DNAJC1: variants seen among roughly 807,000 people sequenced by gnomAD.
The protein encoded by DNAJC1 is DnaJ heat shock protein family (Hsp40) member C1.
Under a neutral mutation model 76.6 loss-of-function variants are expected in DNAJC1, and 58 were observed. That is an observed-to-expected ratio of 0.76 (90% CI 0.61 to 0.94). The LOEUF (loss-of-function observed/expected upper bound fraction) is 0.94. DNAJC1 is among the 40% of genes least tolerant of loss of function. The probability of loss-of-function intolerance (pLI) is 0.00; values close to 1 mark genes in which losing one functional copy is unlikely to be tolerated. For missense variants in DNAJC1, 689 were observed against 677.3 expected (o/e 1.02, Z -0.19); for synonymous variants, 258 against 267.9 (o/e 0.96, Z 0.36).
chr10:21,782,144 C>T (rs1442398182), intron 9 of DNAJC1, among the ~76,000 whole-genome samples: 3 of 152,136 alleles, frequency 2.0e-5, no homozygotes, highest in Non-Finnish European at 2.9e-5. Context: ...TGATAGACCG[C>T]TAGCAAGACT....
chr10:21,890,672 C>G (rs1284197795), intron 7 of DNAJC1, among the ~76,000 whole-genome samples: 1 of 152,080 alleles, frequency 6.6e-6, no homozygotes, highest in East Asian at 1.9e-4. Context: ...CATAGGAAAC[C>G]TGGACTTCAA....
intron 9 of DNAJC1, among the ~76,000 whole-genome samples, chr10:21,788,722 C>T (rs1475765566): frequency 1.3e-5 from 2 of 152,154 alleles, no homozygotes; most frequent in African/African-American, 2.4e-5. Flanking sequence ...TCACATCCAG[C>T]GTCCTGAGTT....
At chr10:21,980,187 A>C (rs1393497060) in intron 1 of DNAJC1, among the ~76,000 whole-genome samples, 1 of 152,130 alleles carries the variant, frequency 6.6e-6, no homozygotes, top group East Asian at 1.9e-4. Context: ...GATATTGAAC[A>C]AACTATATAC....
rs1267966976 is a variant in DNAJC1 at position 21,956,860 on chromosome 10, G to T, written c.223-27719C>A. The stretch of plus-strand genomic sequence containing the variant: ...CACACACACACACACACACAAGTAG[G>T]TGTAAATTTTTCTTTTCAGACAATT... On this transcript the variant is annotated intron_variant, in intron 1 of 11. Coordinates refer to ENST00000376980, the MANE Select transcript of DNAJC1 (RefSeq NM_022365.4). Among the ~76,000 whole-genome samples, 4 of 149,990 alleles carry T rather than the reference G, an allele frequency of 2.7e-5. No individual in the cohort carries two copies. The East Asian group carries it at 7.8e-4, about 29-fold the overall frequency.
chr10:21,955,503 GTATTA>G (rs1255248165), intron 1 of DNAJC1, among the ~76,000 whole-genome samples: 3 of 151,836 alleles, frequency 2.0e-5, no homozygotes, highest in African/African-American at 4.8e-5. Context: ...ACATATTTCT[GTATTA>G]TATTAAATTT....
intron 9 of DNAJC1, among the ~76,000 whole-genome samples, chr10:21,770,641 C>G (rs185796180): frequency 1.3e-5 from 2 of 152,094 alleles, no homozygotes; most frequent in Admixed American, 1.3e-4. Context: ...TGAGGTGATC[C>G]GCCCGCCTCG....
chr10:21,763,764 TA>T (rs1834266595), intron 10 of DNAJC1, among the ~76,000 whole-genome samples: 1 of 152,190 alleles, frequency 6.6e-6, no homozygotes, highest in Admixed American at 6.5e-5. Flanking sequence ...ACTCTGGGGT[TA>T]TCTATACATT....
At chr10:21,999,461 T>TTC (rs1383513224) in intron 1 of DNAJC1, among the ~76,000 whole-genome samples, 3 of 144,836 alleles carry the variant, frequency 2.1e-5, no homozygotes, top group Admixed American at 2.1e-4. Flanking sequence ...CTTTTTTTTT[T>TTC]TTTTTTTTTT....
chr10:21,966,120 T>C (rs1837884816), intron 1 of DNAJC1, among the ~76,000 whole-genome samples: 1 of 152,220 alleles, frequency 6.6e-6, no homozygotes, highest in South Asian at 2.1e-4. Flanking sequence ...CATTTTCTCA[T>C]GATTAAATTT....
chr10:21,910,284 A>G (rs1359066049), intron 6 of DNAJC1, among the ~76,000 whole-genome samples: 1 of 151,712 alleles, frequency 6.6e-6, no homozygotes, highest in Non-Finnish European at 1.5e-5. Context: ...CTCGGCTAAT[A>G]TTTATATTTT....
intron 8 of DNAJC1, among the ~76,000 whole-genome samples, chr10:21,869,940 T>C (rs1836075004): frequency 6.6e-6 from 1 of 152,024 alleles, no homozygotes; most frequent in Admixed American, 6.5e-5. Flanking sequence ...AAATAAAAAC[T>C]TGATAAAAAA....
chr10:21,906,712 A>G (rs567687370), intron 6 of DNAJC1, among the ~76,000 whole-genome samples: 7 of 152,308 alleles, frequency 4.6e-5, no homozygotes, highest in African/African-American at 1.7e-4. Flanking sequence ...GCTATGTGAC[A>G]TTCAGAAAAT....
At chr10:21,880,836 T>C in intron 8 of DNAJC1, among the ~76,000 whole-genome samples, 1 of 152,228 alleles carries the variant, frequency 6.6e-6, no homozygotes, top group East Asian at 1.9e-4. Flanking sequence ...AAAGTAAGCC[T>C]GTCTTTTGAA....
intron 1 of DNAJC1, among the ~76,000 whole-genome samples, chr10:21,985,490 C>T (rs188652494): frequency 6.6e-6 from 1 of 152,258 alleles, no homozygotes; most frequent in African/African-American, 2.4e-5. Flanking sequence ...ATCAAGTGAT[C>T]CACCCACCTC....
intron 8 of DNAJC1, among the ~76,000 whole-genome samples, chr10:21,842,922 ATGTATCCCC>A (rs1835596775): frequency 6.6e-6 from 1 of 152,208 alleles, no homozygotes; most frequent in East Asian, 1.9e-4. Flanking sequence ...ATGTTCTCAA[ATGTATCCCC>A]TGTGCTTAGT....
chr10:21,904,472 A>C, intron 7 of DNAJC1, 50 bp downstream of exon 7: 6 of 1,195,074 alleles, frequency 5.0e-6, no homozygotes, highest in Non-Finnish European at 6.9e-6. Context: ...TTCACATTTA[A>C]ATAATTAATT....
intron 8 of DNAJC1, among the ~76,000 whole-genome samples, chr10:21,813,096 C>CACATATATATAT (rs1554887835): frequency 8.5e-6 from 1 of 117,310 alleles, no homozygotes; most frequent in African/African-American, 3.4e-5. Context: ...TACACACACA[C>CACATATATATAT]ATATATATAT....
intron 9 of DNAJC1, among the ~76,000 whole-genome samples, chr10:21,781,240 C>A (rs761046618): frequency 6.6e-6 from 1 of 152,122 alleles, no homozygotes; most frequent in African/African-American, 2.4e-5. Context: ...TTGCACCAAG[C>A]GGACCTAATA....
intron 8 of DNAJC1, among the ~76,000 whole-genome samples, chr10:21,832,067 C>A (rs111543290): frequency 0.022 from 3,262 of 151,698 alleles, 99 homozygotes; most frequent in African/African-American, 0.074. Flanking sequence ...TGACAGAAAA[C>A]GAAGGAAAAT....
Sources: allele counts gnomAD v4.1 joint callset (sites outside exome capture counted in the v4.1 genomes callset), GRCh38; gene constraint gnomAD v4.1.1; transcripts MANE v1.5; gene names NCBI Gene and HGNC (gene_info 2026-07-23, HGNC 2026-07-21).